GPD1L: variants seen among roughly 807,000 people sequenced by gnomAD.
The protein encoded by GPD1L is glycerol-3-phosphate dehydrogenase 1-like protein.
In GPD1L, 17 loss-of-function variants were observed where a neutral mutation model predicts 32.9. The ratio of observed to expected loss-of-function variants is 0.52; its 90% CI spans 0.35 to 0.78. The LOEUF (loss-of-function observed/expected upper bound fraction) is 0.78, where lower values mean the gene tolerates loss of function less well. Ranked by LOEUF, GPD1L falls within the 30% of genes least tolerant of loss-of-function variation. The pLI, the probability that GPD1L is intolerant of heterozygous loss-of-function variation, is 0.01. For synonymous variants in GPD1L, 187 were observed against 165.9 expected, an observed-to-expected ratio of 1.13 and a Z score of -0.98; for missense variants, 361 against 447.8, an observed-to-expected ratio of 0.81 and a Z score of 1.75.
rs1701160623 is a variant in GPD1L, at chr3:32,167,226, ATGTC to A, written c.*1320_*1323del. 1 of 152,176 alleles carries A rather than the reference ATGTC, an allele frequency of 6.6e-6. No homozygotes were observed. Among genetic ancestry groups the A allele is most frequent in the Non-Finnish European group, 1.5e-5 (1 of 68,032 alleles). 9.4% of individuals were successfully genotyped at this position (152,176 alleles called of 1,614,324 possible). A position where few individuals can be genotyped will look rare whatever the true frequency, so the allele number is the denominator to read the frequency against. On this transcript the variant is annotated 3_prime_UTR_variant, in exon 8 of 8. Transcript: ENST00000282541. The stretch of plus-strand genomic sequence containing the variant: ...AGGTCAAGTGAGTCTGGGAAACACT[ATGTC>A]TGTACACCTCTTGAAGGTGTCGAAT...
At chr3:32,130,443 A>C (rs1700571129) in intron 2 of GPD1L, among the ~76,000 whole-genome samples, 1 of 152,112 alleles carries the variant, frequency 6.6e-6, no homozygotes, top group African/African-American at 2.4e-5. Flanking sequence ...CGTCAACACA[A>C]GCTCACTGTT....
chr3:32,158,670 C>A, intron 5 of GPD1L: 1 of 1,162,286 alleles, frequency 8.6e-7, no homozygotes, highest in Non-Finnish European at 1.2e-6. Context: ...GGCTCTTTGT[C>A]CTAGAAAGGG....
intron 2 of GPD1L, among the ~76,000 whole-genome samples, chr3:32,132,556 CT>C (rs1700600879): frequency 6.6e-6 from 1 of 152,194 alleles, no homozygotes; most frequent in Non-Finnish European, 1.5e-5. Flanking sequence ...TACTCCTTTC[CT>C]CCCTGGGTTT....
chr3:32,146,729 C>G lies in GPD1L; in HGVS notation c.613C>G (p.Leu205Val). The G allele has an allele frequency of 1.9e-6, 3 of 1,594,620 alleles. No homozygotes were observed. In the South Asian group the frequency reaches 3.3e-5, roughly 18 times the overall value. ...AGACACTGTTGAACTCTGTGGTGCGCTTAAGGTAAAGTCAGCCTCAGGGGA... is the reference window on the plus strand; with the variant it reads ...AGACACTGTTGAACTCTGTGGTGCGGTTAAGGTAAAGTCAGCCTCAGGGGA... ...DADTVELCGA[L>V]KNIVAVGAGF... Residue 205 changes from leucine to valine, a missense_variant, in exon 5 of 8, where the codon CTT becomes GTT. Leu to Val is a conservative substitution (Grantham distance 32, BLOSUM62 1). Transcript: ENST00000282541.
At chr3:32,136,798 T>C (rs950487262) in intron 2 of GPD1L, among the ~76,000 whole-genome samples, 4 of 152,156 alleles carry the variant, frequency 2.6e-5, no homozygotes, top group African/African-American at 9.7e-5. Context: ...CTCCTAAGCC[T>C]TGTAACCCTC....
intron 5 of GPD1L, among the ~76,000 whole-genome samples, chr3:32,148,656 G>A (rs992299825): frequency 2.6e-5 from 4 of 152,280 alleles, no homozygotes; most frequent in African/African-American, 4.8e-5. Flanking sequence ...TGGCACACTC[G>A]GAGCGTGAAC....
intron 5 of GPD1L, among the ~76,000 whole-genome samples, chr3:32,157,539 C>G (rs1701011959): frequency 6.6e-6 from 1 of 152,198 alleles, no homozygotes; most frequent in Admixed American, 6.5e-5. Context: ...GAGTGGGGTG[C>G]TCCCCACACA....
intron 1 of GPD1L, among the ~76,000 whole-genome samples, chr3:32,120,393 A>G (rs922356703): frequency 7.9e-5 from 12 of 152,220 alleles, no homozygotes; most frequent in Non-Finnish European, 2.9e-5. Flanking sequence ...GAAATTTGAC[A>G]GTGTTCATAT....
Position 32,166,854 on chromosome 3 carries a change from G to T in GPD1L, c.*944G>T, listed in dbSNP as rs1348033832. On this transcript the variant is annotated 3_prime_UTR_variant, in exon 8 of 8. Transcript: ENST00000282541. ...GGCTGATTTGACCTCCGACTCATTG[G>T]TTGTGCAAATGCCATGTGCAGCCTT... 6.6e-6 allele frequency: 1 copy of T among 152,302 alleles called. No homozygotes were observed. The highest frequency in any genetic ancestry group is 6.5e-5 in the Admixed American group (1 of 15,282). The allele number at this position is 152,302 out of a possible 1,614,324, so 9.4% of individuals were successfully genotyped here. A position where few individuals can be genotyped will look rare whatever the true frequency, so the allele number is the denominator to read the frequency against.
At chr3:32,150,581 G>C (rs1398005188) in intron 5 of GPD1L, among the ~76,000 whole-genome samples, 1 of 151,620 alleles carries the variant, frequency 6.6e-6, no homozygotes, top group Non-Finnish European at 1.5e-5. Context: ...CTGCCTTCCA[G>C]GTTCAAGGAA....
intron 5 of GPD1L, among the ~76,000 whole-genome samples, chr3:32,150,707 G>T (rs1700907191): frequency 6.6e-6 from 1 of 151,894 alleles, no homozygotes; most frequent in Non-Finnish European, 1.5e-5. Flanking sequence ...GGCTGTAGCT[G>T]GCCAACAGAT....
At chr3:32,110,721 G>A (rs541461370) in intron 1 of GPD1L, among the ~76,000 whole-genome samples, 47 of 152,348 alleles carry the variant, frequency 3.1e-4, no homozygotes, top group African/African-American at 1.0e-3. Context: ...GCATCCAGCT[G>A]AGCCCTGCTG....
At chr3:32,118,398 A>G (rs1236388395) in intron 1 of GPD1L, among the ~76,000 whole-genome samples, 1 of 152,200 alleles carries the variant, frequency 6.6e-6, no homozygotes, top group South Asian at 2.1e-4. Context: ...ATTGTGTTAC[A>G]GAGCAGATTC....
chr3:32,128,184 G>A lies in GPD1L; in HGVS notation c.156G>A (p.Leu52=). Residue 52 remains leucine (L), a synonymous_variant, in exon 2 of 8, where the codon CTG becomes CTA. Transcript: ENST00000282541. ...AAGAAACAGTGAATGGCAGAAAACTGACAGACATCATAAATAATGACCATG... is the reference window on the plus strand; with the variant it reads ...AAGAAACAGTGAATGGCAGAAAACTAACAGACATCATAAATAATGACCATG... The part of the protein sequence containing the change: ...VFEETVNGRK[L]TDIINNDHEN... The A allele has an allele frequency of 6.2e-7, 1 of 1,613,152 alleles. No individual in the cohort carries two copies. The highest frequency in any genetic ancestry group is 8.5e-7 in the Non-Finnish European group (1 of 1,179,138).
At position 32,112,534 on chromosome 3, in the gene GPD1L, G is replaced by A. The variant is rs576635788; in HGVS notation, c.47+5776G>A. Among the ~76,000 whole-genome samples, 151 of 152,282 alleles carry A rather than the reference G, an allele frequency of 9.9e-4. 1 individual carries two copies. The Middle Eastern group carries it at 0.01, about 10-fold the overall frequency. On this transcript the variant is annotated intron_variant, in intron 1 of 7. Coordinates refer to ENST00000282541, the MANE Select transcript of GPD1L (RefSeq NM_015141.4). ...CGCCTGTAGTCCCACCCACTTGGGA[G>A]GCTAAGGCAGGAGAATCACTTGAGC...
chr3:32,161,814 A>G (rs954232869), intron 7 of GPD1L, among the ~76,000 whole-genome samples: 2 of 152,206 alleles, frequency 1.3e-5, no homozygotes, highest in Admixed American at 6.5e-5. Context: ...CCTGTGCTTA[A>G]TAACATCGCT....
chr3:32,159,476 A>AAAG, intron 6 of GPD1L, 92 bp from the exon 7 acceptor site: 1 of 886,808 alleles, frequency 1.1e-6, no homozygotes. Context: ...AAAAAAAAAA[A>AAAG]AAAAGAAAAA....
chr3:32,150,307 A>C (rs1311600393), intron 5 of GPD1L, among the ~76,000 whole-genome samples: 4 of 152,200 alleles, frequency 2.6e-5, no homozygotes, highest in African/African-American at 4.8e-5. Context: ...TACAAAAATC[A>C]TAAGTATATT....
chr3:32,125,373 C>G (rs903605022), intron 1 of GPD1L, among the ~76,000 whole-genome samples: 1 of 152,250 alleles, frequency 6.6e-6, no homozygotes, highest in African/African-American at 2.4e-5. Flanking sequence ...GCTGGTCAGG[C>G]TCACTCATGT....
Sources: allele counts gnomAD v4.1 joint callset (sites outside exome capture counted in the v4.1 genomes callset), GRCh38; gene constraint gnomAD v4.1.1; transcripts MANE v1.5; gene names NCBI Gene and HGNC (gene_info 2026-07-23, HGNC 2026-07-21).